ST6GALNAC5: variants seen among roughly 807,000 people sequenced by gnomAD.
The protein encoded by ST6GALNAC5 is ST6 N-acetylgalactosaminide alpha-2,6-sialyltransferase 5, also known as alpha-N-acetylgalactosaminide alpha-2,6-sialyltransferase 5.
A neutral mutation model predicts 33.6 loss-of-function variants in ST6GALNAC5; 27 were observed. The ratio of observed to expected loss-of-function variants is 0.80; its 90% CI spans 0.59 to 1.11. The LOEUF (loss-of-function observed/expected upper bound fraction) is 1.11. ST6GALNAC5 is among the 50% of genes least tolerant of loss of function. The pLI is 0.00. For missense variants in ST6GALNAC5, 428 were observed against 454.0 expected, an observed-to-expected ratio of 0.94 and a Z score of 0.52; for synonymous variants, 194 against 171.2, an observed-to-expected ratio of 1.13 and a Z score of -1.04.
intron 2 of ST6GALNAC5, among the ~76,000 whole-genome samples, chr1:77,035,080 GCTGGGCCCCATC>G (rs1401519930): frequency 6.6e-6 from 1 of 152,114 alleles, no homozygotes; most frequent in Non-Finnish European, 1.5e-5. Context: ...AACACAGATT[GCTGGGCCCCATC>G]ATGGAGCATC....
chr1:76,919,040 A>C (rs749721445), intron 2 of ST6GALNAC5, among the ~76,000 whole-genome samples: 1 of 152,096 alleles, frequency 6.6e-6, no homozygotes, highest in Non-Finnish European at 1.5e-5. Flanking sequence ...GGCCTTGTTT[A>C]TCTTTCTCTG....
chr1:77,033,157 C>A (rs1459981509), intron 2 of ST6GALNAC5, among the ~76,000 whole-genome samples: 2 of 152,188 alleles, frequency 1.3e-5, no homozygotes, highest in Non-Finnish European at 2.9e-5. Context: ...AATGTACTAG[C>A]ATTTCAGAAA....
In ST6GALNAC5 at chr1:76,990,787, A is replaced by G. The variant is rs368580343; in HGVS notation, c.262-53417A>G. 5.3e-5 allele frequency among the ~76,000 whole-genome samples: 8 copies of G among 152,314 alleles called. No individual in the cohort carries two copies. The East Asian group carries it at 5.8e-4, about 11-fold the overall frequency. On this transcript the variant is annotated intron_variant, in intron 2 of 4. Transcript: ENST00000477717. ...GATTTGAGAATTTAATAAAGGGACT[A>G]CTAATTCATCCTATGCTAATATGAA... is the stretch of plus-strand genomic sequence containing the variant.
At chr1:76,932,092 A>AGT (rs1303586279) in intron 2 of ST6GALNAC5, among the ~76,000 whole-genome samples, 2 of 152,144 alleles carry the variant, frequency 1.3e-5, no homozygotes, top group East Asian at 3.9e-4. Flanking sequence ...TAAGTTAGGA[A>AGT]TAAAGAAGTA....
chr1:77,015,794 A>G (rs1024659240), intron 2 of ST6GALNAC5, among the ~76,000 whole-genome samples: 3 of 152,008 alleles, frequency 2.0e-5, no homozygotes, highest in African/African-American at 7.2e-5. Context: ...GGCAGAGGGA[A>G]CAGCATATAC....
intron 2 of ST6GALNAC5, among the ~76,000 whole-genome samples, chr1:76,955,562 G>A (rs766742436): frequency 2.0e-5 from 3 of 152,044 alleles, no homozygotes; most frequent in Non-Finnish European, 2.9e-5. Flanking sequence ...TAGAATCCTA[G>A]GACAATGAGA....
intron 2 of ST6GALNAC5, among the ~76,000 whole-genome samples, chr1:77,042,322 T>A (rs199702): frequency 0.38 from 58,115 of 151,966 alleles, 11,836 homozygotes; most frequent in African/African-American, 0.52. Context: ...CAGAGCCTCC[T>A]CTCCTTATAC....
At chr1:76,989,988 G>T (rs1212301572) in intron 2 of ST6GALNAC5, among the ~76,000 whole-genome samples, 1 of 152,128 alleles carries the variant, frequency 6.6e-6, no homozygotes, top group Non-Finnish European at 1.5e-5. Context: ...CTTCCCAGAA[G>T]AATTCAGTTG....
intron 2 of ST6GALNAC5, among the ~76,000 whole-genome samples, chr1:76,987,331 C>T (rs74597084): frequency 0.034 from 5,219 of 152,134 alleles, 117 homozygotes; most frequent in African/African-American, 0.059. Context: ...GCCAAACACA[C>T]GAGAAGATTT....
At position 76,873,925 on chromosome 1, in the gene ST6GALNAC5, T is replaced by C. The variant is rs998826166; in HGVS notation, c.261+5183T>C. Among the ~76,000 whole-genome samples, 7 of 152,312 alleles carry C rather than the reference T, an allele frequency of 4.6e-5. No individual in the cohort carries two copies. In the South Asian group the frequency reaches 6.2e-4, roughly 14 times the overall value. ...CATTCTGGAGGAAGAACACAATCCC[T>C]ACCCTCAAAGAACCTTTGATCTAAT... is the stretch of plus-strand genomic sequence containing the variant. On this transcript the variant is annotated intron_variant, in intron 2 of 4. Coordinates refer to ENST00000477717, the MANE Select transcript of ST6GALNAC5 (RefSeq NM_030965.3).
chr1:76,899,392 G>T (rs529436840), intron 2 of ST6GALNAC5, among the ~76,000 whole-genome samples: 1 of 152,108 alleles, frequency 6.6e-6, no homozygotes, highest in East Asian at 1.9e-4. Flanking sequence ...GGGGCACAGA[G>T]ATAAGAGGTC....
At chr1:76,909,445 G>A (rs984897383) in intron 2 of ST6GALNAC5, among the ~76,000 whole-genome samples, 2 of 152,080 alleles carry the variant, frequency 1.3e-5, no homozygotes, top group South Asian at 4.1e-4. Context: ...AAGGAACTCA[G>A]CATAGTGACT....
rs145136248 is a variant in ST6GALNAC5, at chr1:77,065,958, G to C, written c.*2752G>C. Among the ~76,000 whole-genome samples the C allele has an allele frequency of 1.3e-3, 195 of 152,224 alleles. 1 individual carries two copies. Among genetic ancestry groups the C allele is most frequent in the African/African-American group, 4.4e-3 (184 of 41,540 alleles). On this transcript the variant is annotated 3_prime_UTR_variant, in exon 5 of 5. Coordinates refer to ENST00000477717, the MANE Select transcript of ST6GALNAC5 (RefSeq NM_030965.3). Reference sequence around the variant, plus strand: ...AGATAGCCATTATGGGCAAAGATACGGGAATTTGCAAACAAAATCAATCAC... The same window carrying C: ...AGATAGCCATTATGGGCAAAGATACCGGAATTTGCAAACAAAATCAATCAC...
At chr1:76,878,543 G>C (rs1023812365) in intron 2 of ST6GALNAC5, among the ~76,000 whole-genome samples, 1 of 152,132 alleles carries the variant, frequency 6.6e-6, no homozygotes, top group Non-Finnish European at 1.5e-5. Context: ...CCAGTGCACA[G>C]GTACCCTGGT....
chr1:76,956,797 C>T (rs941929501), intron 2 of ST6GALNAC5, among the ~76,000 whole-genome samples: 5 of 152,128 alleles, frequency 3.3e-5, no homozygotes, highest in Admixed American at 6.5e-5. Context: ...ACCAAAGTCA[C>T]ATACAATCTT....
chr1:76,870,108 G>A (rs954693291), intron 2 of ST6GALNAC5, among the ~76,000 whole-genome samples: 7 of 152,176 alleles, frequency 4.6e-5, no homozygotes, highest in Admixed American at 3.9e-4. Context: ...GGGTAGGGGT[G>A]TTAGTAGACT....
At chr1:77,015,830 T>A (rs1448928910) in intron 2 of ST6GALNAC5, among the ~76,000 whole-genome samples, 1 of 151,918 alleles carries the variant, frequency 6.6e-6, no homozygotes, top group African/African-American at 2.4e-5. Flanking sequence ...AGACAGGGCT[T>A]CACAGGCAAA....
chr1:76,958,097 T>C (rs1411937183), intron 2 of ST6GALNAC5, among the ~76,000 whole-genome samples: 1 of 152,184 alleles, frequency 6.6e-6, no homozygotes, highest in Non-Finnish European at 1.5e-5. Context: ...TCTACTCTGG[T>C]TGCCTGACAT....
rs1653428624 is a variant in ST6GALNAC5, at chr1:76,868,839, G to A, written c.261+97G>A. On this transcript the variant is annotated intron_variant, in intron 2 of 4. Coordinates refer to ENST00000477717, the MANE Select transcript of ST6GALNAC5 (RefSeq NM_030965.3). This position sits in a 1 kb window ranked among gnomAD's most constrained non-coding sequence, Gnocchi z 4.3. ...CCGGGGCTGGGAGGCGCTGTGAGTAGGTGCCGTTCGAAGGCTGGAGGGGAG... is the reference window on the plus strand; with the variant it reads ...CCGGGGCTGGGAGGCGCTGTGAGTAAGTGCCGTTCGAAGGCTGGAGGGGAG... The A allele has an allele frequency of 2.8e-6, 4 of 1,423,934 alleles. No individual in the cohort carries two copies. The highest frequency in any genetic ancestry group is 6.0e-5 in the Admixed American group (2 of 33,180). The allele number at this position is 1,423,934 out of a possible 1,614,324, so 88.2% of individuals were successfully genotyped here. A position where few individuals can be genotyped will look rare whatever the true frequency, so the allele number is the denominator to read the frequency against.
Sources: allele counts gnomAD v4.1 joint callset (sites outside exome capture counted in the v4.1 genomes callset), GRCh38; gene constraint gnomAD v4.1.1; non-coding constraint Gnocchi (gnomAD v3.1); transcripts MANE v1.5; gene names NCBI Gene and HGNC (gene_info 2026-07-23, HGNC 2026-07-21).